ENO4: variants seen among roughly 807,000 people sequenced by gnomAD.
The protein encoded by ENO4 is 2-phospho-D-glycerate hydro-lyase.
Under a neutral mutation model 63.2 loss-of-function variants are expected in ENO4, and 53 were observed. The observed-to-expected ratio is 0.84, with a 90% CI of 0.67 to 1.05. The LOEUF is 1.05. ENO4 is among the 50% of genes least tolerant of loss of function. ENO4 has a pLI of 0.00. For synonymous variants in ENO4, 266 were observed against 283.8 expected, an observed-to-expected ratio of 0.94 and a Z score of 0.63; for missense variants, 719 against 772.0, an observed-to-expected ratio of 0.93 and a Z score of 0.81.
At chr10:116,894,629 A>C (rs1399875164) in intron 10 of ENO4, among the ~76,000 whole-genome samples, 1 of 152,254 alleles carries the variant, frequency 6.6e-6, no homozygotes, top group African/African-American at 2.4e-5. Context: ...ATGGAACAGG[A>C]GTTCCCTTTC....
chr10:116,900,857 A>G (rs1847704519), intron 10 of ENO4: 1 of 985,270 alleles, frequency 1.0e-6, no homozygotes, highest in Admixed American at 6.1e-5. Context: ...ATTCCAGAAG[A>G]GAAAAAAAAG....
chr10:116,857,858 A>G (rs1846310055), intron 3 of ENO4, among the ~76,000 whole-genome samples: 1 of 152,084 alleles, frequency 6.6e-6, no homozygotes, highest in South Asian at 2.1e-4. Flanking sequence ...GCTGGTCAAG[A>G]ACTCCTGACC....
intron 6 of ENO4, among the ~76,000 whole-genome samples, chr10:116,862,483 AAAG>A (rs895706763): frequency 2.0e-5 from 3 of 152,106 alleles, no homozygotes; most frequent in African/African-American, 7.2e-5. Context: ...AAAAAAGAAA[AAAG>A]AAGAAGAAAG....
At position 116,879,967 on chromosome 10, in the gene ENO4, T is replaced by C; in HGVS notation, c.1704T>C (p.Leu568=). The C allele has an allele frequency of 6.5e-7, 1 of 1,550,362 alleles. No individual in the cohort carries two copies. The highest frequency in any genetic ancestry group is 8.7e-7 in the Non-Finnish European group (1 of 1,146,578). The stretch of plus-strand genomic sequence containing the variant: ...GCCTTCTCACTATAGAGGAAGAACT[T>C]GTCCAGAATGGAACACTGGGTATGC... The part of the protein sequence containing the change: ...YNRLLTIEEE[L]VQNGTLGFKE... Residue 568 remains leucine (L), a synonymous_variant, in exon 13 of 14, where the codon CTT becomes CTC. Transcript: ENST00000341276.
chr10:116,861,031 A>AT lies in ENO4; in HGVS notation c.805-24dup, dbSNP rs771733893. 3 of 1,542,446 alleles carry AT rather than the reference A, an allele frequency of 1.9e-6. No homozygotes were observed. In the East Asian group the frequency reaches 7.4e-5, roughly 38 times the overall value. ...TCAATATGGATGAACCCTGTTTCTC[A>AT]TTTTCCCTCGTTTTCCCCCTATTTC... On this transcript the variant is annotated intron_variant, in intron 5 of 13. Coordinates refer to ENST00000341276, the MANE Select transcript of ENO4 (RefSeq NM_001242699.2).
Position 116,876,225 on chromosome 10 carries a change from T to C in ENO4, c.1502T>C (p.Met501Thr). Residue 501 changes from methionine to threonine, a missense_variant, in exon 11 of 14, where the codon ATG becomes ACG. By Grantham distance (81) the Met-to-Thr change is moderately conservative. Around this residue, in one of 3 missense-constraint regions of ENO4, gnomAD observed 168 missense variants for 163.3 expected, o/e 1.03. Coordinates refer to ENST00000341276, the MANE Select transcript of ENO4 (RefSeq NM_001242699.2). Reference sequence around the variant, plus strand: ...ATAAAACACACAAACCAAACTACAATGTCTGACTTGGTGGAAATAACCAAT... The same window carrying C: ...ATAAAACACACAAACCAAACTACAACGTCTGACTTGGTGGAAATAACCAAT... ...LIIKHTNQTT[M>T]SDLVEITNLI... The C allele has an allele frequency of 6.5e-7, 1 of 1,548,232 alleles. No individual in the cohort carries two copies.
At chr10:116,869,922 T>C (rs747966015) in intron 8 of ENO4, among the ~76,000 whole-genome samples, 9 of 152,084 alleles carry the variant, frequency 5.9e-5, no homozygotes, top group Admixed American at 3.9e-4. Context: ...TATCTTTGTA[T>C]GATGTAAGGA....
intron 1 of ENO4, among the ~76,000 whole-genome samples, chr10:116,851,863 C>T (rs1223779900): frequency 1.3e-5 from 2 of 152,042 alleles, no homozygotes; most frequent in African/African-American, 4.8e-5. Flanking sequence ...ATCTGCTCAC[C>T]ACATCTCCCC....
chr10:116,865,594 G>T (rs894116029), intron 7 of ENO4, among the ~76,000 whole-genome samples: 1 of 152,160 alleles, frequency 6.6e-6, no homozygotes, highest in Non-Finnish European at 1.5e-5. Context: ...GTGAAATGTA[G>T]CAATCTGTTC....
Position 116,852,770 on chromosome 10 carries a change from G to C in ENO4, c.166-2853G>C, listed in dbSNP as rs78560777. Among the ~76,000 whole-genome samples, 7 of 152,286 alleles carry C rather than the reference G, an allele frequency of 4.6e-5. No individual in the cohort carries two copies. The East Asian group carries it at 1.4e-3, about 29-fold the overall frequency. On this transcript the variant is annotated intron_variant, in intron 1 of 13. Coordinates refer to ENST00000341276, the MANE Select transcript of ENO4 (RefSeq NM_001242699.2). ...CTCAGGATATCCTGTGAGAAAGATA[G>C]ATGCCCAGCCAACCCCTCACTGTGC...
chr10:116,893,055 GTA>G (rs1847387967), intron 10 of ENO4, among the ~76,000 whole-genome samples: 1 of 152,226 alleles, frequency 6.6e-6, no homozygotes, highest in African/African-American at 2.4e-5. Context: ...CATTTTAACA[GTA>G]ATTTTGAGAT....
chr10:116,849,578 A>G lies in ENO4; in HGVS notation c.12A>G (p.Glu4=), dbSNP rs1427580461. 4 of 1,543,684 alleles carry G rather than the reference A, an allele frequency of 2.6e-6. No individual in the cohort carries two copies. Among genetic ancestry groups the G allele is most frequent in the Non-Finnish European group, 3.5e-6 (4 of 1,143,846 alleles). Residue 4 remains glutamate (E), a synonymous_variant, in exon 1 of 14, where the codon GAA becomes GAG. Coordinates refer to ENST00000341276, the MANE Select transcript of ENO4 (RefSeq NM_001242699.2). ...TTAAATCTCCTACCATGGAGGAAGA[A>G]GGCGGCGGCCGCAGCTGTGGGACCA... The part of the protein sequence containing the change: MEE[E]GGGRSCGTTR...
chr10:116,890,828 T>C (rs1847321432), intron 10 of ENO4, among the ~76,000 whole-genome samples: 1 of 152,240 alleles, frequency 6.6e-6, no homozygotes, highest in African/African-American at 2.4e-5. Flanking sequence ...GCAATGGCCA[T>C]GCCAACGCTG....
intron 1 of ENO4, 120 bp downstream of exon 1, chr10:116,849,851 T>C: frequency 8.8e-7 from 1 of 1,140,176 alleles, no homozygotes; most frequent in East Asian, 2.6e-5. Context: ...GCCCGGGCCC[T>C]GGGCCTGCGT....
chr10:116,849,858 G>T, intron 1 of ENO4, 127 bp downstream of exon 1: 1 of 1,112,252 alleles, frequency 9.0e-7, no homozygotes, highest in Non-Finnish European at 1.3e-6. Flanking sequence ...CCCTGGGCCT[G>T]CGTGTGCGGA....
At chr10:116,886,575 T>TG (rs1847170888), downstream of ENO4, 5 of 1,613,090 alleles carry the variant, frequency 3.1e-6, no homozygotes, top group Non-Finnish European at 4.2e-6. Flanking sequence ...GCCTATGAGA[T>TG]GAAGAGTTAG....
chr10:116,879,175 A>T, intron 11 of ENO4, 116 bp from the exon 12 acceptor site: 1 of 670,328 alleles, frequency 1.5e-6, no homozygotes, highest in Non-Finnish European at 2.5e-6. Context: ...GTAGGCAAAT[A>T]ATTGACTCTT....
intron 9 of ENO4, chr10:116,873,860 T>C (rs1251038303): frequency 1.4e-5 from 14 of 984,840 alleles, no homozygotes; most frequent in South Asian, 4.7e-5. Flanking sequence ...GGAAGAACCC[T>C]AGAGGGCATC....
At chr10:116,854,032 G>A (rs111935240) in intron 1 of ENO4, among the ~76,000 whole-genome samples, 15 of 152,222 alleles carry the variant, frequency 9.9e-5, no homozygotes, top group African/African-American at 3.4e-4. Context: ...CTTCCTGAGC[G>A]TTTTCTTGCA....
Sources: allele counts gnomAD v4.1 joint callset (sites outside exome capture counted in the v4.1 genomes callset), GRCh38; gene constraint gnomAD v4.1.1; regional missense constraint gnomAD v4.1.1; transcripts MANE v1.5; gene names NCBI Gene and HGNC (gene_info 2026-07-23, HGNC 2026-07-21).